Variants in WWP2 observed in about 807,000 individuals in gnomAD.
The protein encoded by WWP2 is WW domain containing E3 ubiquitin protein ligase 2.
WWP2 carries 57 observed loss-of-function variants against 121.0 expected under a neutral mutation model. That is an observed-to-expected ratio of 0.47 (90% CI 0.38 to 0.59). The LOEUF is 0.59. WWP2 is among the 20% of genes least tolerant of loss of function. The pLI is 0.00. For missense variants in WWP2, 962 were observed against 1,158.9 expected (o/e 0.83, Z 2.47); for synonymous variants, 449 against 441.3 (o/e 1.02, Z -0.22).
intron 6 of WWP2, among the ~76,000 whole-genome samples, chr16:69,844,644 T>A (rs1010123585): frequency 1.3e-5 from 2 of 152,184 alleles, no homozygotes; most frequent in Non-Finnish European, 2.9e-5. Flanking sequence ...GTCATCGGTG[T>A]TGCAGCAGCC....
At chr16:69,899,246 T>A (rs57154889) in intron 8 of WWP2, among the ~76,000 whole-genome samples, 5,660 of 152,256 alleles carry the variant, frequency 0.037, 298 homozygotes, top group African/African-American at 0.12. Context: ...TTGGTGGTTC[T>A]TGCCTGTAAC....
intron 16 of WWP2, chr16:69,932,956 C>T: frequency 2.2e-6 from 1 of 459,850 alleles, no homozygotes. Context: ...TAACTTGCTT[C>T]TGGTCCTCTG....
rs73580166 is a variant in WWP2 at position 69,935,084 on chromosome 16, G to A, written c.1843-769G>A. Among the ~76,000 whole-genome samples the A allele has an allele frequency of 0.011, 1,751 of 152,300 alleles. 30 individuals are homozygous for A. The highest frequency in any genetic ancestry group is 0.04 in the African/African-American group (1,655 of 41,552). On this transcript the variant is annotated intron_variant, in intron 17 of 23. Coordinates refer to ENST00000359154, the MANE Select transcript of WWP2 (RefSeq NM_001270454.2). The surrounding 1 kb of genome is among the most constrained non-coding windows in gnomAD (Gnocchi z 5.2). ...GTGCCCCGTTGAGGGTCCTGGGAGC[G>A]TGGAGAACCCGGATTGAGAAGCGGA... is the stretch of plus-strand genomic sequence containing the variant.
chr16:69,920,601 T>A (rs2058545720), intron 10 of WWP2, among the ~76,000 whole-genome samples: 1 of 151,730 alleles, frequency 6.6e-6, no homozygotes, highest in African/African-American at 2.4e-5. Context: ...TTTGTCTACC[T>A]GATTATCCAA....
chr16:69,826,395 GT>G (rs536408695), intron 4 of WWP2, among the ~76,000 whole-genome samples: 24 of 148,044 alleles, frequency 1.6e-4, no homozygotes, highest in Non-Finnish European at 2.8e-4. Context: ...GTGAAACTCT[GT>G]CTCTACTAAA....
chr16:69,908,732 C>A, intron 8 of WWP2, 29 bp from the exon 9 acceptor site: 1 of 1,613,648 alleles, frequency 6.2e-7, no homozygotes, highest in East Asian at 2.2e-5. Context: ...CACTGTGTGT[C>A]TCATGCTACC....
chr16:69,914,418 C>T (rs1027321652), intron 9 of WWP2, among the ~76,000 whole-genome samples: 2 of 64,608 alleles, frequency 3.1e-5, no homozygotes, highest in Admixed American at 2.9e-4. Flanking sequence ...CCAAGAGTGC[C>T]ATCCTTCTTC....
At chr16:69,777,427 A>T (rs1195300344) in intron 1 of WWP2, among the ~76,000 whole-genome samples, 1 of 151,394 alleles carries the variant, frequency 6.6e-6, no homozygotes, top group African/African-American at 2.4e-5. Flanking sequence ...CAGCCTCCTT[A>T]TTAACTGGGA....
rs2058182822 is a variant in WWP2, at chr16:69,900,300, A to C, written c.915-8461A>C. On this transcript the variant is annotated intron_variant, in intron 8 of 23. Transcript: ENST00000359154. ...CGTTCTTGATAGTAACTGTCCCTAT[A>C]CTGCCAACCTTTTATCTGCAAAAAT... Among the ~76,000 whole-genome samples the C allele has an allele frequency of 2.0e-5, 3 of 152,152 alleles. No individual in the cohort carries two copies. In the South Asian group the frequency reaches 6.2e-4, roughly 32 times the overall value.
In WWP2 at chr16:69,939,088, G is replaced by A. The variant is rs1447407789; in HGVS notation, c.2405G>A (p.Cys802Tyr). ...CTGCTGCAGTTTGTCACCGGTACCT[G>A]CCGCCTGCCCGTCGGGGGATTTGCC... is the stretch of plus-strand genomic sequence containing the variant. ...IRLLQFVTGT[C>Y]RLPVGGFAEL... Residue 802 changes from cysteine (C) to tyrosine (Y), a missense_variant, in exon 22 of 24, where the codon TGC becomes TAC. Cys to Tyr is a radical substitution (Grantham distance 194). This residue lies in a region of WWP2 where 606 missense variants were observed against 772.6 expected (regional missense o/e 0.78). Transcript: ENST00000359154. 2.5e-6 allele frequency: 4 copies of A among 1,606,266 alleles called. No homozygotes were observed. The highest frequency in any genetic ancestry group is 3.4e-6 in the Non-Finnish European group (4 of 1,176,002).
At chr16:69,871,767 G>A in intron 6 of WWP2, 37 bp from the exon 7 acceptor site, 1 of 1,612,530 alleles carries the variant, frequency 6.2e-7, no homozygotes. Context: ...TTTTCACAGT[G>A]ACTTATGTCT....
intron 4 of WWP2, among the ~76,000 whole-genome samples, chr16:69,812,922 T>G (rs1417455339): frequency 1.3e-5 from 2 of 152,196 alleles, no homozygotes; most frequent in Non-Finnish European, 1.5e-5. Context: ...TTTGAGACTG[T>G]GTAAATGTCT....
intron 4 of WWP2, among the ~76,000 whole-genome samples, chr16:69,831,855 GTGTCACTC>G (rs1175640620): frequency 7.9e-6 from 1 of 127,348 alleles, no homozygotes. Flanking sequence ...TTTTGAGACA[GTGTCACTC>G]TGTCACCCAG....
chr16:69,787,129 G>A, intron 2 of WWP2, 49 bp downstream of exon 2: 1 of 1,543,680 alleles, frequency 6.5e-7, no homozygotes, highest in Non-Finnish European at 8.8e-7. Context: ...CCAGGGAAGA[G>A]GGAGAATCTA....
intron 7 of WWP2, among the ~76,000 whole-genome samples, chr16:69,880,815 A>G (rs987795679): frequency 2.6e-5 from 4 of 152,158 alleles, no homozygotes; most frequent in Non-Finnish European, 5.9e-5. Context: ...AGTAGAAAGA[A>G]CTTCTGTTGT....
chr16:69,897,885 G>A (rs1215513397), intron 8 of WWP2, among the ~76,000 whole-genome samples: 1 of 151,824 alleles, frequency 6.6e-6, no homozygotes, highest in Non-Finnish European at 1.5e-5. Context: ...TCTAGCCTGG[G>A]CGACAGAGTG....
chr16:69,831,388 A>G (rs1433615535), intron 4 of WWP2, among the ~76,000 whole-genome samples: 1 of 152,216 alleles, frequency 6.6e-6, no homozygotes, highest in Non-Finnish European at 1.5e-5. Flanking sequence ...TCCAGGCAAG[A>G]GTTCTGGATT....
intron 8 of WWP2, among the ~76,000 whole-genome samples, chr16:69,899,726 CAAAAAAAAAAAAAA>C (rs35485826): frequency 3.9e-4 from 25 of 64,754 alleles, no homozygotes; most frequent in Middle Eastern, 9.8e-3. Flanking sequence ...GACTCCGTCT[CAAAAAAAAAAAAAA>C]AAAAAAAAAA....
intron 7 of WWP2, among the ~76,000 whole-genome samples, chr16:69,876,848 T>C (rs2151923588): frequency 6.6e-6 from 1 of 152,290 alleles, no homozygotes; most frequent in Admixed American, 6.5e-5. Context: ...AGGAATCTTT[T>C]TTCCTGAACA....
Sources: allele counts gnomAD v4.1 joint callset (sites outside exome capture counted in the v4.1 genomes callset), GRCh38; gene constraint gnomAD v4.1.1; regional missense constraint gnomAD v4.1.1; non-coding constraint Gnocchi (gnomAD v3.1); transcripts MANE v1.5; gene names NCBI Gene and HGNC (gene_info 2026-07-23, HGNC 2026-07-21).